The following NAP1L1 variants were observed in gnomAD, a reference collection of about 807,000 sequenced individuals.
The protein encoded by NAP1L1 is nucleosome assembly protein 1 like 1, also known as nucleosome assembly protein 1-like 1.
A neutral mutation model predicts 58.9 loss-of-function variants in NAP1L1; 9 were observed. That is an observed-to-expected ratio of 0.15 (90% CI 0.09 to 0.27). The LOEUF is 0.27. Among genes scored for constraint, NAP1L1 ranks in the 10% least tolerant of loss-of-function variants. The pLI, the probability that NAP1L1 is intolerant of heterozygous loss-of-function variation, is 1.00. For synonymous variants in NAP1L1, 130 were observed against 138.3 expected, an observed-to-expected ratio of 0.94 and a Z score of 0.42; for missense variants, 302 against 458.8, an observed-to-expected ratio of 0.66 and a Z score of 3.12.
rs1948600248 is a variant in NAP1L1 at position 76,045,950 on chromosome 12, T to C, written c.*2479A>G. Reference sequence around the variant, plus strand: ...AATGTTTGTAGATAACTCAGAATAATAACCCAGAATATAACCTATCAGGAA... The same window carrying C: ...AATGTTTGTAGATAACTCAGAATAACAACCCAGAATATAACCTATCAGGAA... On this transcript the variant is annotated 3_prime_UTR_variant, in exon 15 of 15. Transcript: ENST00000618691. The C allele has an allele frequency of 6.9e-6, 1 of 144,116 alleles. No individual in the cohort carries two copies. Among genetic ancestry groups the C allele is most frequent in the Non-Finnish European group, 1.5e-5 (1 of 67,842 alleles). 8.9% of individuals were successfully genotyped at this position (144,116 alleles called of 1,614,324 possible). A position where few individuals can be genotyped will look rare whatever the true frequency, so the allele number is the denominator to read the frequency against.
At chr12:76,076,336 A>G (rs1950167682) in intron 1 of NAP1L1, among the ~76,000 whole-genome samples, 1 of 152,120 alleles carries the variant, frequency 6.6e-6, no homozygotes, top group Non-Finnish European at 1.5e-5. Flanking sequence ...CCCAACTGAC[A>G]AAATTCATGA....
chr12:76,073,970 T>G (rs1460838212), intron 2 of NAP1L1: 1 of 395,998 alleles, frequency 2.5e-6, no homozygotes, highest in Non-Finnish European at 4.5e-6. Context: ...TTCTTAAAAA[T>G]AGTGACAAAT....
chr12:76,048,503 A>G lies in NAP1L1; in HGVS notation c.1141-39T>C, dbSNP rs1476232016. ...ACAACAAGTCAATCTATCTTCTTCT[A>G]CCTGCTTCAGTGAATTTCTCAATAG... is the stretch of plus-strand genomic sequence containing the variant. On this transcript the variant is annotated intron_variant, in intron 14 of 14. Transcript: ENST00000618691. The G allele has an allele frequency of 3.1e-6, 5 of 1,609,590 alleles. No homozygotes were observed. The South Asian group carries it at 4.4e-5, about 14-fold the overall frequency.
chr12:76,071,907 C>T (rs1458936680), intron 2 of NAP1L1, among the ~76,000 whole-genome samples: 3 of 151,020 alleles, frequency 2.0e-5, no homozygotes, highest in Non-Finnish European at 4.4e-5. Context: ...AAAGGAACAC[C>T]AGAAGCCAGA....
At chr12:76,065,851 T>A (rs1264040100) in intron 4 of NAP1L1, among the ~76,000 whole-genome samples, 1 of 151,792 alleles carries the variant, frequency 6.6e-6, no homozygotes, top group Non-Finnish European at 1.5e-5. Context: ...GGGAGAAGTA[T>A]GAAAGGATGC....
At chr12:76,062,887 G>C (rs1001138272) in intron 4 of NAP1L1, among the ~76,000 whole-genome samples, 1 of 152,014 alleles carries the variant, frequency 6.6e-6, no homozygotes, top group Non-Finnish European at 1.5e-5. Flanking sequence ...ACAGACAAAA[G>C]AAAATTCTAA....
In NAP1L1 at chr12:76,050,835, G is replaced by T. The variant is rs1948786092; in HGVS notation, c.937-182C>A. Among the ~76,000 whole-genome samples the T allele has an allele frequency of 2.0e-5, 3 of 151,996 alleles. 1 individual carries two copies. The highest frequency in any genetic ancestry group is 2.0e-4 in the Admixed American group (3 of 15,272). Reference sequence around the variant, plus strand: ...TCAAGAGCAACCTAAGCAACATAGTGAGACGCCCCCTGCGTTTGTACAAAA... The same window carrying T: ...TCAAGAGCAACCTAAGCAACATAGTTAGACGCCCCCTGCGTTTGTACAAAA... On this transcript the variant is annotated intron_variant, in intron 11 of 14. Transcript: ENST00000618691.
intron 6 of NAP1L1, among the ~76,000 whole-genome samples, chr12:76,058,723 T>C (rs901404121): frequency 2.0e-5 from 3 of 152,126 alleles, no homozygotes; most frequent in Non-Finnish European, 4.4e-5. Flanking sequence ...AAAAACCCGG[T>C]AGACTTTGCG....
At chr12:76,049,409 T>C (rs1020308008) in intron 13 of NAP1L1, 159 bp from the exon 14 acceptor site, 34 of 1,533,912 alleles carry the variant, frequency 2.2e-5, no homozygotes, top group African/African-American at 9.6e-5. Context: ...GCTTCTAATA[T>C]GAAAAATTTC....
chr12:76,060,936 T>C (rs1170849718), intron 4 of NAP1L1: 2 of 292,878 alleles, frequency 6.8e-6, no homozygotes, highest in South Asian at 2.6e-5. Context: ...TTACAAAAAA[T>C]ACAAAAATTA....
At chr12:76,077,650 C>T (rs1252270810) in intron 1 of NAP1L1, among the ~76,000 whole-genome samples, 1 of 151,986 alleles carries the variant, frequency 6.6e-6, no homozygotes, top group East Asian at 1.9e-4. Context: ...AACTTTCATT[C>T]CTGAAAGCGA....
In NAP1L1 at chr12:76,037,338, A is replaced by G. The variant is rs1871070680; in HGVS notation, c.*11091T>C. 1.3e-5 allele frequency: 2 copies of G among 152,222 alleles called. No homozygotes were observed. Among genetic ancestry groups the G allele is most frequent in the Admixed American group, 1.3e-4 (2 of 15,282 alleles). The allele number at this position is 152,222 out of a possible 1,614,324, so 9.4% of individuals were successfully genotyped here. On this transcript the variant is annotated 3_prime_UTR_variant, in exon 15 of 15. Coordinates refer to ENST00000618691, the MANE Select transcript of NAP1L1 (RefSeq NM_004537.7). ...TAACAGCTTAAAGCAAGTGCTTTATAATGAGTGCTTAGCGCTTTTTTTTAA... is the reference window on the plus strand; with the variant it reads ...TAACAGCTTAAAGCAAGTGCTTTATGATGAGTGCTTAGCGCTTTTTTTTAA...
chr12:76,055,971 G>A, intron 7 of NAP1L1, 62 bp downstream of exon 7: 1 of 1,529,340 alleles, frequency 6.5e-7, no homozygotes, highest in Non-Finnish European at 9.0e-7. Flanking sequence ...AGTGATCACA[G>A]CCATTTAAAC....
At chr12:76,061,996 T>C (rs1171083241) in intron 4 of NAP1L1, among the ~76,000 whole-genome samples, 8 of 152,156 alleles carry the variant, frequency 5.3e-5, no homozygotes, top group Non-Finnish European at 5.9e-5. Flanking sequence ...TGTGTTTAAC[T>C]GTACAGGGTA....
intron 6 of NAP1L1, among the ~76,000 whole-genome samples, chr12:76,058,448 G>A (rs1165333037): frequency 2.7e-5 from 4 of 149,586 alleles, no homozygotes; most frequent in African/African-American, 7.4e-5. Flanking sequence ...GCGCAGTGGT[G>A]CGATCTCGGC....
intron 1 of NAP1L1, among the ~76,000 whole-genome samples, chr12:76,079,657 A>G (rs1026629982): frequency 2.6e-5 from 4 of 151,892 alleles, no homozygotes; most frequent in Non-Finnish European, 5.9e-5. Context: ...AAAAGACATA[A>G]CTGACCCTAA....
At position 76,055,908 on chromosome 12, in the gene NAP1L1, T is replaced by C. The variant is rs1949063686; in HGVS notation, c.558+125A>G. ...GCTGTAATTTCTCTTCTACAGATATTAGCTATTTCAAAAGTAAGCAATCAT... is the reference window on the plus strand; with the variant it reads ...GCTGTAATTTCTCTTCTACAGATATCAGCTATTTCAAAAGTAAGCAATCAT... On this transcript the variant is annotated intron_variant, in intron 7 of 14. Transcript: ENST00000618691. 3.1e-5 allele frequency: 30 copies of C among 954,358 alleles called. No individual in the cohort carries two copies. In the South Asian group the frequency reaches 4.1e-4, roughly 13 times the overall value. 59.1% of individuals were successfully genotyped at this position (954,358 alleles called of 1,614,324 possible).
intron 14 of NAP1L1, 137 bp from the exon 15 acceptor site, chr12:76,048,601 ATTTAT>A (rs771105330): frequency 1.8e-5 from 14 of 779,050 alleles, no homozygotes; most frequent in Non-Finnish European, 2.9e-5. Context: ...GTGGTAAATT[ATTTAT>A]TTTATTAGCA....
chr12:76,069,071 T>C (rs1949827152), intron 2 of NAP1L1, 77 bp from the exon 3 acceptor site: 5 of 1,030,642 alleles, frequency 4.9e-6, no homozygotes, highest in Non-Finnish European at 7.3e-6. Flanking sequence ...TTAAAATTCA[T>C]TTTCAAAATT....
Sources: allele counts gnomAD v4.1 joint callset (sites outside exome capture counted in the v4.1 genomes callset), GRCh38; gene constraint gnomAD v4.1.1; transcripts MANE v1.5; gene names NCBI Gene and HGNC (gene_info 2026-07-23, HGNC 2026-07-21).